SS18L1: variants seen among roughly 807,000 people sequenced by gnomAD.
SS18L1 encodes the protein SS18L1 subunit of BAF chromatin remodeling complex, also known as calcium-responsive transactivator.
Under a neutral mutation model 70.3 loss-of-function variants are expected in SS18L1, and 32 were observed. The observed-to-expected ratio is 0.46, with a 90% confidence interval of 0.34 to 0.61. SS18L1 has a LOEUF of 0.61. Ranked by LOEUF, SS18L1 falls within the 20% of genes least tolerant of loss-of-function variation. The pLI, the probability that SS18L1 is intolerant of heterozygous loss-of-function variation, is 0.01. For synonymous variants in SS18L1, 237 were observed against 229.7 expected (o/e 1.03, Z -0.29); for missense variants, 430 against 542.1 (o/e 0.79, Z 2.05).
In SS18L1 at chr20:62,165,435, C is replaced by T. The variant is rs574117354; in HGVS notation, c.837C>T (p.Tyr279=). The T allele has an allele frequency of 6.8e-6, 11 of 1,612,392 alleles. No homozygotes were observed. The highest frequency in any genetic ancestry group is 1.7e-5 in the Admixed American group (1 of 59,914). The change falls in exon 8 of 11, where the codon TAC becomes TAT. Residue 279 remains tyrosine, a synonymous_variant. Coordinates refer to ENST00000331758, the MANE Select transcript of SS18L1 (RefSeq NM_198935.3). The part of the protein sequence containing the change: ...QQYYPDGHGD[Y]AYQQSSYTEQ... ...CGTTTCGCACAGGCCATGGCGATTA[C>T]GCCTACCAGCAGTCATCCTACACGG...
intron 1 of SS18L1, among the ~76,000 whole-genome samples, chr20:62,152,553 G>C (rs2057153353): frequency 6.6e-6 from 1 of 152,238 alleles, no homozygotes; most frequent in African/African-American, 2.4e-5. Context: ...TCACGTTGCA[G>C]AAAAATTCAC....
At chr20:62,170,239 C>T (rs2057506488) in intron 8 of SS18L1, among the ~76,000 whole-genome samples, 2 of 152,248 alleles carry the variant, frequency 1.3e-5, no homozygotes. Context: ...GGCACGGTGG[C>T]TCACGCCTGT....
chr20:62,169,459 G>A (rs2057491520), intron 8 of SS18L1, among the ~76,000 whole-genome samples: 1 of 152,190 alleles, frequency 6.6e-6, no homozygotes, highest in Admixed American at 6.5e-5. Flanking sequence ...TCATGTAGAT[G>A]TATTGGCAGC....
chr20:62,157,229 C>T (rs1317955217), intron 1 of SS18L1, among the ~76,000 whole-genome samples: 2 of 152,200 alleles, frequency 1.3e-5, no homozygotes, highest in African/African-American at 4.8e-5. Flanking sequence ...CCCCTCCCCA[C>T]TTCTACCAAC....
chr20:62,176,333 C>T (rs2057619515), intron 10 of SS18L1, among the ~76,000 whole-genome samples: 1 of 151,974 alleles, frequency 6.6e-6, no homozygotes, highest in African/African-American at 2.4e-5. Context: ...GCCAGGGTAA[C>T]ATAGCAAGAC....
chr20:62,175,921 CTG>C (rs11471239), intron 10 of SS18L1, among the ~76,000 whole-genome samples: 11,219 of 152,294 alleles, frequency 0.074, 506 homozygotes, highest in South Asian at 0.2. Flanking sequence ...TCTCAGGACA[CTG>C]TGAGGCCACT....
In SS18L1 at chr20:62,158,624, T is replaced by G; in HGVS notation, c.70-48T>G. On this transcript the variant is annotated intron_variant, in intron 1 of 10. Coordinates refer to ENST00000331758, the MANE Select transcript of SS18L1 (RefSeq NM_198935.3). This position sits in a 1 kb window ranked among gnomAD's most constrained non-coding sequence, Gnocchi z 4.5. ...TAGCGATGGCTGTTCATCCCGAGGG[T>G]CAGCGACAGCCCCGCGTCGGCAGCG... 6.2e-7 allele frequency: 1 copy of G among 1,600,650 alleles called. No homozygotes were observed. The highest frequency in any genetic ancestry group is 8.5e-7 in the Non-Finnish European group (1 of 1,175,846).
intron 8 of SS18L1, among the ~76,000 whole-genome samples, chr20:62,172,345 T>C (rs1051764309): frequency 2.0e-5 from 3 of 148,342 alleles, no homozygotes; most frequent in Non-Finnish European, 4.5e-5. Context: ...AAAAAAAAAA[T>C]TATATCTGCA....
In SS18L1 at chr20:62,182,510, G is replaced by A. The variant is rs546148785; in HGVS notation, c.*3302G>A. ...ATCCTATAAAGTGAGTTTTCATGAA[G>A]TTAACGGGATTTTGGTGTGATGTGT... On this transcript the variant is annotated 3_prime_UTR_variant, in exon 11 of 11. Coordinates refer to ENST00000331758, the MANE Select transcript of SS18L1 (RefSeq NM_198935.3). 5.4e-6 allele frequency: 1 copy of A among 184,746 alleles called. No individual in the cohort carries two copies. Among genetic ancestry groups the A allele is most frequent in the South Asian group, 1.9e-4 (1 of 5,278 alleles). 11.4% of individuals were successfully genotyped at this position (184,746 alleles called of 1,614,324 possible).
chr20:62,179,100 C>A (rs2057670024), intron 10 of SS18L1, 82 bp from the exon 11 acceptor site: 1 of 1,503,300 alleles, frequency 6.7e-7, no homozygotes, highest in East Asian at 2.3e-5. Context: ...TCCCTCCTAC[C>A]CCCTGTCCGG....
At chr20:62,165,371 C>A in intron 7 of SS18L1, 51 bp from the exon 8 acceptor site, 3 of 1,555,878 alleles carry the variant, frequency 1.9e-6, no homozygotes, top group Non-Finnish European at 2.6e-6. Flanking sequence ...TCCTCCGGGA[C>A]CTGTGCAGTG....
At chr20:62,144,618 C>T (rs1318529931) in intron 1 of SS18L1, among the ~76,000 whole-genome samples, 5 of 152,276 alleles carry the variant, frequency 3.3e-5, no homozygotes, top group African/African-American at 1.2e-4. Context: ...GACGGATTTG[C>T]TCCACAACCT....
chr20:62,168,219 G>T (rs955196038), intron 8 of SS18L1, among the ~76,000 whole-genome samples: 1 of 152,118 alleles, frequency 6.6e-6, no homozygotes, highest in Non-Finnish European at 1.5e-5. Context: ...CTTAAGGCCA[G>T]TAAGACAGAT....
intron 8 of SS18L1, among the ~76,000 whole-genome samples, chr20:62,167,630 G>A (rs564060118): frequency 5.3e-5 from 8 of 152,254 alleles, no homozygotes; most frequent in African/African-American, 1.4e-4. Context: ...TGGTGCCTCC[G>A]TAAGCCCTGG....
At chr20:62,146,730 C>T (rs1013496241) in intron 1 of SS18L1, among the ~76,000 whole-genome samples, 1 of 149,838 alleles carries the variant, frequency 6.7e-6, no homozygotes, top group African/African-American at 2.5e-5. Context: ...AGCGATTCTC[C>T]TGCCTCAGCC....
chr20:62,162,692 C>T (rs1356837444), intron 4 of SS18L1, 60 bp from the exon 5 acceptor site: 2 of 1,544,458 alleles, frequency 1.3e-6, no homozygotes, highest in African/African-American at 1.4e-5. Flanking sequence ...GTGTCTTCAC[C>T]TTCAGAAGTG....
At position 62,149,577 on chromosome 20, in the gene SS18L1, A is replaced by T. The variant is rs1000518952; in HGVS notation, c.69+5688A>T. ...GGGGCAGGCCGGGCCTCCTGGGCTCACATTCTTATCCTGCTGATGGTGATG... is the reference window on the plus strand; with the variant it reads ...GGGGCAGGCCGGGCCTCCTGGGCTCTCATTCTTATCCTGCTGATGGTGATG... On this transcript the variant is annotated intron_variant, in intron 1 of 10. Coordinates refer to ENST00000331758, the MANE Select transcript of SS18L1 (RefSeq NM_198935.3). 5.9e-5 allele frequency among the ~76,000 whole-genome samples: 9 copies of T among 152,256 alleles called. No homozygotes were observed. In the East Asian group the frequency reaches 1.7e-3, roughly 29 times the overall value.
At chr20:62,164,671 A>G (rs150190243) in intron 7 of SS18L1, among the ~76,000 whole-genome samples, 2 of 152,354 alleles carry the variant, frequency 1.3e-5, no homozygotes, top group East Asian at 3.9e-4. Flanking sequence ...TCATCTCTGC[A>G]GAGTATTTTA....
At chr20:62,169,521 G>C (rs1471112181) in intron 8 of SS18L1, among the ~76,000 whole-genome samples, 2 of 152,192 alleles carry the variant, frequency 1.3e-5, no homozygotes, top group African/African-American at 4.8e-5. Context: ...GCTCACGCCT[G>C]TAATCTCAGC....
Sources: allele counts gnomAD v4.1 joint callset (sites outside exome capture counted in the v4.1 genomes callset), GRCh38; gene constraint gnomAD v4.1.1; non-coding constraint Gnocchi (gnomAD v3.1); transcripts MANE v1.5; gene names NCBI Gene and HGNC (gene_info 2026-07-23, HGNC 2026-07-21).